PMPCB: variants seen among roughly 807,000 people sequenced by gnomAD.
PMPCB encodes the protein mitochondrial-processing peptidase subunit beta.
Under a neutral mutation model 61.5 loss-of-function variants are expected in PMPCB, and 46 were observed. The ratio of observed to expected loss-of-function variants is 0.75; its 90% CI spans 0.59 to 0.96. The LOEUF (loss-of-function observed/expected upper bound fraction) is 0.96, where lower values mean the gene tolerates loss of function less well. PMPCB is among the 40% of genes least tolerant of loss of function. The probability of loss-of-function intolerance (pLI) is 0.00; values close to 1 mark genes in which losing one functional copy is unlikely to be tolerated. For synonymous variants in PMPCB, 191 were observed against 201.6 expected (o/e 0.95, Z 0.44); for missense variants, 590 against 602.4 (o/e 0.98, Z 0.22).
At chr7:103,324,374 A>G in intron 12 of PMPCB, 2 of 979,892 alleles carry the variant, frequency 2.0e-6, no homozygotes, top group Non-Finnish European at 2.8e-6. Context: ...TGTTCAGTGA[A>G]GGTTCTGCAA....
At position 103,321,175 on chromosome 7, in the gene PMPCB, G is replaced by C. The variant is rs533806032; in HGVS notation, c.*1432-7756G>C. ...ATGGCGCCACTGCACTCCAGCCTGA[G>C]TGACTGAGACCCTGCCTCAACAACA... On this transcript the variant is annotated intron_variant and NMD_transcript_variant, in intron 12 of 12. Transcript: ENST00000444457. Among the ~76,000 whole-genome samples the C allele has an allele frequency of 2.0e-5, 3 of 152,232 alleles. No individual in the cohort carries two copies. The East Asian group carries it at 5.8e-4, about 29-fold the overall frequency.
At chr7:103,307,528 A>G in intron 6 of PMPCB, 68 bp from the exon 7 acceptor site, 1 of 895,002 alleles carries the variant, frequency 1.1e-6, no homozygotes, top group Non-Finnish European at 1.9e-6. Flanking sequence ...ATCACATTAT[A>G]CCACCTAGGG....
chr7:103,303,049 A>G (rs1817490614), intron 4 of PMPCB, among the ~76,000 whole-genome samples: 1 of 152,134 alleles, frequency 6.6e-6, no homozygotes, highest in Non-Finnish European at 1.5e-5. Flanking sequence ...GCCTAATATA[A>G]CATGTTCCAC....
chr7:103,312,169 C>G (rs185539852), intron 12 of PMPCB, 38 bp downstream of exon 12: 2 of 1,613,926 alleles, frequency 1.2e-6, no homozygotes, highest in South Asian at 2.2e-5. Context: ...AAAAAGTTGG[C>G]CAAGTACTTT....
the PMPCB span, chr7:103,341,850 T>C: frequency 6.2e-7 from 1 of 1,612,938 alleles, no homozygotes; most frequent in Non-Finnish European, 8.5e-7. Flanking sequence ...GATAACTCTT[T>C]CTTATCCTCC....
Position 103,308,954 on chromosome 7 carries a change from T to G in PMPCB, c.852T>G (p.Ile284Met). The change falls in exon 8 of 13, where the codon ATT becomes ATG. Residue 284 changes from isoleucine (I) to methionine (M), a missense_variant and splice_region_variant. Coordinates refer to ENST00000249269, the MANE Select transcript of PMPCB (RefSeq NM_004279.3). The stretch of plus-strand genomic sequence containing the variant: ...TCCTCCTGCTTTATCTTAACTAGAT[T>G]CGTGTGAGGGATGACAAGATGCCTT... Reference protein sequence around the residue: ...LPPCKFTGSEIRVRDDKMPLA... With the variant: ...LPPCKFTGSEMRVRDDKMPLA... 8.9e-6 allele frequency: 14 copies of G among 1,580,276 alleles called. No homozygotes were observed. The highest frequency in any genetic ancestry group is 1.2e-5 in the Non-Finnish European group (14 of 1,163,940).
At chr7:103,330,711 A>G (rs1466663174), downstream of PMPCB, among the ~76,000 whole-genome samples, 1 of 150,752 alleles carries the variant, frequency 6.6e-6, no homozygotes, top group Non-Finnish European at 1.5e-5. Flanking sequence ...CAGCCTCCCA[A>G]AGTGCTGGGA....
chr7:103,326,737 T>G, intron 12 of PMPCB: 2 of 1,521,718 alleles, frequency 1.3e-6, no homozygotes, highest in Non-Finnish European at 1.8e-6. Flanking sequence ...TATTTTTTCC[T>G]GCAAGAAAAC....
At chr7:103,315,132 A>G (rs1348112055), downstream of PMPCB, among the ~76,000 whole-genome samples, 1 of 151,876 alleles carries the variant, frequency 6.6e-6, no homozygotes, top group Non-Finnish European at 1.5e-5. Flanking sequence ...ATTGGTCTAG[A>G]GTAATCACAA....
chr7:103,325,716 G>GA (rs1337567367), intron 12 of PMPCB, among the ~76,000 whole-genome samples: 1 of 151,282 alleles, frequency 6.6e-6, no homozygotes, highest in Non-Finnish European at 1.5e-5. Flanking sequence ...AATGCAGATG[G>GA]AAAAAAAAGA....
intron 4 of PMPCB, among the ~76,000 whole-genome samples, chr7:103,302,096 C>G (rs1314103806): frequency 2.6e-5 from 4 of 152,158 alleles, no homozygotes; most frequent in African/African-American, 4.8e-5. Context: ...TGATGGTTTC[C>G]AGCTTCATCC....
At chr7:103,322,622 G>A (rs1394329241) in intron 12 of PMPCB, 2 of 1,612,760 alleles carry the variant, frequency 1.2e-6, no homozygotes, top group East Asian at 4.5e-5. Context: ...GATCACAGCT[G>A]TATGCATTGT....
chr7:103,319,495 A>T, downstream of PMPCB: 1 of 1,044,402 alleles, frequency 9.6e-7, no homozygotes, highest in Non-Finnish European at 1.4e-6. Context: ...AGTGGGAAAC[A>T]TAAAGAGAAA....
At chr7:103,324,780 G>C (rs948741890) in intron 12 of PMPCB, 4 of 309,614 alleles carry the variant, frequency 1.3e-5, no homozygotes, top group African/African-American at 8.7e-5. Context: ...CTGGGGTGAG[G>C]AGAGAAACAA....
At chr7:103,318,239 C>T (rs1383615112), downstream of PMPCB, among the ~76,000 whole-genome samples, 4 of 152,060 alleles carry the variant, frequency 2.6e-5, no homozygotes. Context: ...GATCATAGCT[C>T]ACTGCAGCTG....
In PMPCB at chr7:103,311,710, A is replaced by G. The variant is rs984077616; in HGVS notation, c.1222A>G (p.Met408Val). Residue 408 changes from methionine (M) to valine (V), a missense_variant, in exon 10 of 13, where the codon ATG (methionine) becomes GTG (valine). Coordinates refer to ENST00000249269, the MANE Select transcript of PMPCB (RefSeq NM_004279.3). ...AGCCAGAAATCTTCTGAAAACAAAC[A>G]TGTTGTTGCAGCTTGATGGTAAAAA... Reference protein sequence around the residue: ...ARARNLLKTNMLLQLDGSTPI... With the variant: ...ARARNLLKTNVLLQLDGSTPI... The G allele has an allele frequency of 1.2e-6, 2 of 1,613,674 alleles. No homozygotes were observed. Among genetic ancestry groups the G allele is most frequent in the African/African-American group, 2.7e-5 (2 of 74,936 alleles).
chr7:103,312,040 G>A lies in PMPCB; in HGVS notation c.1330-16G>A, dbSNP rs1178635565. ...TTACTACAAACAGCTGAATGACAGT[G>A]TCTTCCATATTTCAGGCTGTGAATG... is the stretch of plus-strand genomic sequence containing the variant. On this transcript the variant is annotated splice_polypyrimidine_tract_variant and intron_variant, in intron 11 of 12. Transcript: ENST00000249269. 2 of 1,610,592 alleles carry A rather than the reference G, an allele frequency of 1.2e-6. No individual in the cohort carries two copies. The highest frequency in any genetic ancestry group is 1.1e-5 in the South Asian group (1 of 90,754).
chr7:103,333,950 CAT>C (rs1563471258), downstream of PMPCB, among the ~76,000 whole-genome samples: 3 of 148,752 alleles, frequency 2.0e-5, no homozygotes, highest in Non-Finnish European at 3.0e-5. Context: ...CTGTTGTGAA[CAT>C]TTTTTTTTTT....
chr7:103,342,313 T>C, the PMPCB span, among the ~76,000 whole-genome samples: 1 of 151,890 alleles, frequency 6.6e-6, no homozygotes, highest in African/African-American at 2.4e-5. Flanking sequence ...TTTTACTTTT[T>C]TTTTTTTTTG....
Sources: allele counts gnomAD v4.1 joint callset (sites outside exome capture counted in the v4.1 genomes callset), GRCh38; gene constraint gnomAD v4.1.1; transcripts MANE v1.5; gene names NCBI Gene and HGNC (gene_info 2026-07-23, HGNC 2026-07-21).